Variants in NRCAM observed in about 807,000 individuals in gnomAD.
The protein encoded by NRCAM is NgCAM-related cell adhesion molecule.
In NRCAM, 83 loss-of-function variants were observed where a neutral mutation model predicts 156.5. The observed-to-expected ratio is 0.53, with a 90% CI of 0.44 to 0.64. The LOEUF is 0.64. Among genes scored for constraint, NRCAM ranks in the 30% least tolerant of loss-of-function variants. The pLI, the probability that NRCAM is intolerant of heterozygous loss-of-function variation, is 0.00. For missense variants in NRCAM, 1,417 were observed against 1,597.3 expected (o/e 0.89, Z 1.92); for synonymous variants, 538 against 563.9 (o/e 0.95, Z 0.65).
intron 2 of NRCAM, among the ~76,000 whole-genome samples, chr7:108,396,000 T>C (rs1017146474): frequency 6.6e-6 from 1 of 152,148 alleles, no homozygotes; most frequent in South Asian, 2.1e-4. Flanking sequence ...AGCCAAGCGA[T>C]ACACACGGCA....
intron 2 of NRCAM, among the ~76,000 whole-genome samples, chr7:108,359,365 A>C (rs1161541834): frequency 2.0e-5 from 3 of 152,198 alleles, no homozygotes; most frequent in Non-Finnish European, 2.9e-5. Context: ...GAGTCCCATA[A>C]AAGAAACACA....
At chr7:108,381,561 C>T (rs61473132) in intron 2 of NRCAM, among the ~76,000 whole-genome samples, 21,025 of 124,926 alleles carry the variant, frequency 0.17, 1,654 homozygotes, top group East Asian at 0.43. Flanking sequence ...TTTTTTTTTT[C>T]TTTTTTTTTT....
chr7:108,345,662 G>A (rs1425609187), intron 2 of NRCAM, among the ~76,000 whole-genome samples: 1 of 152,150 alleles, frequency 6.6e-6, no homozygotes, highest in Non-Finnish European at 1.5e-5. Flanking sequence ...ACCATATGAG[G>A]ATACAGCAAG....
chr7:108,210,638 G>A (rs1588388377), intron 11 of NRCAM, among the ~76,000 whole-genome samples: 1 of 152,302 alleles, frequency 6.6e-6, no homozygotes, highest in South Asian at 2.1e-4. Flanking sequence ...TTCCAACCCT[G>A]TCCCTGGATT....
intron 2 of NRCAM, among the ~76,000 whole-genome samples, chr7:108,348,371 G>T (rs2099385323): frequency 6.6e-6 from 1 of 152,140 alleles, no homozygotes; most frequent in South Asian, 2.1e-4. Flanking sequence ...CTGAGCCTGG[G>T]GGTTGTGAGG....
intron 13 of NRCAM, among the ~76,000 whole-genome samples, chr7:108,203,076 T>C (rs1159524262): frequency 6.6e-6 from 1 of 152,066 alleles, no homozygotes; most frequent in East Asian, 1.9e-4. Flanking sequence ...CCCCCCTCAG[T>C]GTGGCTTTGA....
At chr7:108,206,886 C>T (rs1240144069) in intron 13 of NRCAM, among the ~76,000 whole-genome samples, 3 of 152,098 alleles carry the variant, frequency 2.0e-5, no homozygotes, top group African/African-American at 4.8e-5. Context: ...GGCTGCTGAA[C>T]GGGGCAACAA....
intron 3 of NRCAM, among the ~76,000 whole-genome samples, chr7:108,245,002 T>A (rs1178733098): frequency 6.6e-6 from 1 of 152,224 alleles, no homozygotes; most frequent in Admixed American, 6.5e-5. Flanking sequence ...TGGCTACCAT[T>A]CACTGAGCCT....
In NRCAM at chr7:108,303,227, G is replaced by A. The variant is rs533678977; in HGVS notation, c.-107+9438C>T. Among the ~76,000 whole-genome samples the A allele has an allele frequency of 2.6e-5, 4 of 152,166 alleles. No homozygotes were observed. The South Asian group carries it at 6.2e-4, about 24-fold the overall frequency. On this transcript the variant is annotated intron_variant, in intron 3 of 32. Transcript: ENST00000379028. ...TGCACCCACCTCGGCCTCCCAAAGT[G>A]CTAGGATTACAGGCATGAGCCACTG...
chr7:108,339,846 T>C (rs1038065797), intron 2 of NRCAM, among the ~76,000 whole-genome samples: 3 of 152,138 alleles, frequency 2.0e-5, no homozygotes, highest in Admixed American at 6.5e-5. Flanking sequence ...CTAAGATGTA[T>C]TCTGGACAAT....
chr7:108,188,068 G>A (rs1222090830), intron 20 of NRCAM, among the ~76,000 whole-genome samples: 2 of 152,170 alleles, frequency 1.3e-5, no homozygotes, highest in African/African-American at 2.4e-5. Flanking sequence ...ATGCTGGTCT[G>A]ACATCTGTAA....
Position 108,176,460 on chromosome 7 carries a change from T to C in NRCAM, c.3121A>G (p.Thr1041Ala). 1 of 1,613,538 alleles carries C rather than the reference T, an allele frequency of 6.2e-7. No homozygotes were observed. Among genetic ancestry groups the C allele is most frequent in the Non-Finnish European group, 8.5e-7 (1 of 1,179,802 alleles). Residue 1041 changes from threonine to alanine, a missense_variant, in exon 27 of 33, where the codon ACA becomes GCA. By Grantham distance (58) the Thr-to-Ala change is moderately conservative (BLOSUM62 0). Coordinates refer to ENST00000379028, the MANE Select transcript of NRCAM (RefSeq NM_001037132.4). ...TCCACAGTTGTTACTGCTTCCTCTG[T>C]AATTTGACTTCCTGATCCTGCTGAT... Reference protein sequence around the residue: ...QTSAGSGSQITEEAVTTVDEA... With the variant: ...QTSAGSGSQIAEEAVTTVDEA...
At chr7:108,404,168 T>C (rs1160462295) in intron 1 of NRCAM, among the ~76,000 whole-genome samples, 2 of 152,194 alleles carry the variant, frequency 1.3e-5, no homozygotes, top group African/African-American at 2.4e-5. Flanking sequence ...GAGAGCCCGA[T>C]GCACGAGCCT....
intron 1 of NRCAM, among the ~76,000 whole-genome samples, chr7:108,419,842 G>A (rs560363512): frequency 2.0e-5 from 3 of 152,268 alleles, no homozygotes; most frequent in East Asian, 3.9e-4. Context: ...GTCGGGGTGA[G>A]GGTGTCCAGT....
At chr7:108,392,058 T>C (rs912146388) in intron 2 of NRCAM, among the ~76,000 whole-genome samples, 9 of 152,156 alleles carry the variant, frequency 5.9e-5, no homozygotes, top group African/African-American at 2.2e-4. Context: ...TGTCTTGGAG[T>C]TGCTCTTCTC....
intron 11 of NRCAM, among the ~76,000 whole-genome samples, chr7:108,216,558 G>A (rs187857491): frequency 9.2e-5 from 14 of 152,240 alleles, no homozygotes; most frequent in East Asian, 3.9e-4. Flanking sequence ...CCAATCAAAC[G>A]TAGGTTTGGT....
intron 2 of NRCAM, among the ~76,000 whole-genome samples, chr7:108,338,922 G>A (rs2099242062): frequency 6.6e-6 from 1 of 150,896 alleles, no homozygotes; most frequent in Admixed American, 6.6e-5. Flanking sequence ...TGGCCCAAAT[G>A]CATTCAATCT....
chr7:108,220,049 C>T (rs1450627080), intron 11 of NRCAM, among the ~76,000 whole-genome samples: 1 of 151,758 alleles, frequency 6.6e-6, no homozygotes, highest in Non-Finnish European at 1.5e-5. Context: ...CTCTTCTATA[C>T]ACCAACAGCA....
chr7:108,247,955 A>G (rs1283994615), intron 3 of NRCAM, among the ~76,000 whole-genome samples: 3 of 152,230 alleles, frequency 2.0e-5, no homozygotes. Context: ...AGTTCCATTT[A>G]AAAACAAAAA....
Sources: allele counts gnomAD v4.1 joint callset (sites outside exome capture counted in the v4.1 genomes callset), GRCh38; gene constraint gnomAD v4.1.1; transcripts MANE v1.5; gene names NCBI Gene and HGNC (gene_info 2026-07-23, HGNC 2026-07-21).